The following MARS1 variants were observed in gnomAD, a reference collection of about 807,000 sequenced individuals.
MARS1 encodes methionine--tRNA ligase, cytoplasmic.
Under a neutral mutation model 119.5 loss-of-function variants are expected in MARS1, and 80 were observed. That is an observed-to-expected ratio of 0.67 (90% confidence interval 0.56 to 0.81). MARS1 has a LOEUF of 0.81. MARS1 is among the 30% of genes least tolerant of loss of function. MARS1 has a pLI of 0.00. For synonymous variants in MARS1, 418 were observed against 433.4 expected, an observed-to-expected ratio of 0.96 and a Z score of 0.44; for missense variants, 945 against 1,116.5, an observed-to-expected ratio of 0.85 and a Z score of 2.19.
chr12:57,496,274 C>T (rs1271030499), intron 7 of MARS1, among the ~76,000 whole-genome samples: 2 of 151,592 alleles, frequency 1.3e-5, no homozygotes, highest in Non-Finnish European at 1.5e-5. Context: ...AGTGATTCTC[C>T]TGTCTCAGCC....
At chr12:57,504,563 T>A (rs2140024328) in intron 11 of MARS1, among the ~76,000 whole-genome samples, 1 of 152,278 alleles carries the variant, frequency 6.6e-6, no homozygotes, top group Non-Finnish European at 1.5e-5. Flanking sequence ...TCTCTCTTTT[T>A]TTTTAAGGGA....
At chr12:57,489,219 T>C (rs370571451) in intron 2 of MARS1, 48 bp from the exon 3 acceptor site, 4 of 1,605,788 alleles carry the variant, frequency 2.5e-6, no homozygotes, top group Non-Finnish European at 3.4e-6. Context: ...AGAAATGGGC[T>C]AAATGGGCCC....
At chr12:57,513,878 C>T (rs1385915222) in intron 15 of MARS1, among the ~76,000 whole-genome samples, 8 of 150,452 alleles carry the variant, frequency 5.3e-5, no homozygotes, top group Non-Finnish European at 7.4e-5. Flanking sequence ...GCCTGGCCAA[C>T]CTGGTGAAAC....
chr12:57,503,028 A>AAACAAC (rs199629182), intron 10 of MARS1, among the ~76,000 whole-genome samples: 13 of 151,832 alleles, frequency 8.6e-5, no homozygotes, highest in African/African-American at 1.7e-4. Flanking sequence ...TTCGTCTCAA[A>AAACAAC]AACAACAACA....
intron 7 of MARS1, among the ~76,000 whole-genome samples, chr12:57,491,732 C>T (rs1324904501): frequency 1.3e-5 from 2 of 152,214 alleles, no homozygotes; most frequent in East Asian, 1.9e-4. Context: ...CATATTTTGT[C>T]ACTCTCCTGC....
Position 57,515,217 on chromosome 12 carries a change from C to T in MARS1, c.2272C>T (p.Pro758Ser), listed in dbSNP as rs1877734636. The change falls in exon 18 of 21, where the codon CCT becomes TCT. Residue 758 changes from proline to serine, a missense_variant. Physicochemically the swap from Pro to Ser is moderately conservative, Grantham distance 74. Transcript: ENST00000262027. Reference protein sequence around the residue: ...IAALLSVMLQPYMPTVSATIQ... With the variant: ...IAALLSVMLQSYMPTVSATIQ... ...TGCCTTGCTCTCTGTCATGCTTCAGCCTTACATGCCCACGGTTAGTGCCAC... is the reference window on the plus strand; with the variant it reads ...TGCCTTGCTCTCTGTCATGCTTCAGTCTTACATGCCCACGGTTAGTGCCAC... 1.2e-6 allele frequency: 2 copies of T among 1,614,090 alleles called. No homozygotes were observed. Among genetic ancestry groups the T allele is most frequent in the African/African-American group, 2.7e-5 (2 of 74,926 alleles).
chr12:57,495,775 G>A (rs1226489949), intron 7 of MARS1, among the ~76,000 whole-genome samples: 3 of 152,230 alleles, frequency 2.0e-5, no homozygotes, highest in Non-Finnish European at 4.4e-5. Context: ...CAGGCGGGCA[G>A]ATCACTCGCG....
In MARS1 at chr12:57,497,774, G is replaced by A. The variant is rs187383275; in HGVS notation, c.771-383G>A. On this transcript the variant is annotated intron_variant, in intron 7 of 20. Transcript: ENST00000262027. Reference sequence around the variant, plus strand: ...AACATAGCACCTGGAAAGAAGGGGAGAAGCCAGCGCTGGGAAAGTGTTCTT... The same window carrying A: ...AACATAGCACCTGGAAAGAAGGGGAAAAGCCAGCGCTGGGAAAGTGTTCTT... Among the ~76,000 whole-genome samples, 9 of 152,272 alleles carry A rather than the reference G, an allele frequency of 5.9e-5. No individual in the cohort carries two copies. The East Asian group carries it at 1.7e-3, about 29-fold the overall frequency.
intron 18 of MARS1, among the ~76,000 whole-genome samples, 160 bp from the exon 19 acceptor site, chr12:57,515,760 A>C (rs1671464027): frequency 6.6e-6 from 1 of 152,242 alleles, no homozygotes; most frequent in South Asian, 2.1e-4. Context: ...TTTCACAGGG[A>C]AAGCTACAGC....
At chr12:57,503,294 C>T (rs1260443923) in intron 10 of MARS1, among the ~76,000 whole-genome samples, 1 of 147,350 alleles carries the variant, frequency 6.8e-6, no homozygotes, top group African/African-American at 2.5e-5. Flanking sequence ...AGTGCAATGG[C>T]GCGATCTCAG....
chr12:57,511,706 G>A lies in MARS1; in HGVS notation c.1377G>A (p.Lys459=), dbSNP rs1413478936. The part of the protein sequence containing the change: ...HLFLDLPKLE[K]RLEEWLGRTL... ...TTTCTCCGTTATCTCAGCTGGAGAA[G>A]CGACTGGAGGAGTGGTTGGGGAGGA... Residue 459 remains lysine, a synonymous_variant, in exon 12 of 21, where the codon AAG becomes AAA. Transcript: ENST00000262027. The A allele has an allele frequency of 1.2e-6, 2 of 1,614,180 alleles. No individual in the cohort carries two copies. The highest frequency in any genetic ancestry group is 2.7e-5 in the African/African-American group (2 of 75,054).
At chr12:57,499,915 C>A (rs964801797) in intron 9 of MARS1, among the ~76,000 whole-genome samples, 25 of 152,030 alleles carry the variant, frequency 1.6e-4, no homozygotes, top group Non-Finnish European at 2.9e-5. Flanking sequence ...AACAAAAAAA[C>A]CCCCAAAACT....
intron 7 of MARS1, among the ~76,000 whole-genome samples, chr12:57,493,488 TAATATATTATAA>T (rs1251107430): frequency 9.5e-5 from 1 of 10,580 alleles, no homozygotes; most frequent in Non-Finnish European, 1.7e-4. Flanking sequence ...ATATAATATA[TAATATATTATAA>T]TATATAATAT....
chr12:57,494,328 CTTT>C (rs71448526), intron 7 of MARS1, among the ~76,000 whole-genome samples: 3 of 121,224 alleles, frequency 2.5e-5, no homozygotes, highest in Non-Finnish European at 3.4e-5. Context: ...TCTTTTTTTT[CTTT>C]TTTTTTTTTT....
In MARS1 at chr12:57,512,856, A is replaced by G. The variant is rs777332933; in HGVS notation, c.1859A>G (p.Tyr620Cys). ...TGIPADIWRF[Y>C]LLYIRPEGQD... ...ATCCCTGCTGACATCTGGCGCTTCT[A>G]TCTGCTGTACATTCGGCCTGAGGGC... The change falls in exon 15 of 21, where the codon TAT (tyrosine) becomes TGT (cysteine). Residue 620 changes from tyrosine to cysteine, a missense_variant. Tyr to Cys is a radical substitution (Grantham distance 194). Coordinates refer to ENST00000262027, the MANE Select transcript of MARS1 (RefSeq NM_004990.4). The G allele has an allele frequency of 1.9e-6, 3 of 1,614,224 alleles. No homozygotes were observed. Among genetic ancestry groups the G allele is most frequent in the Non-Finnish European group, 2.5e-6 (3 of 1,180,038 alleles).
At chr12:57,496,777 C>CAAA (rs780162798) in intron 7 of MARS1, among the ~76,000 whole-genome samples, 1 of 78,802 alleles carries the variant, frequency 1.3e-5, no homozygotes. Context: ...ACCCTGTCTC[C>CAAA]AAAAAAAAAA....
At chr12:57,499,284 CAAA>C (rs35924774) in intron 9 of MARS1, among the ~76,000 whole-genome samples, 3 of 37,898 alleles carry the variant, frequency 7.9e-5, no homozygotes, top group Admixed American at 3.1e-4. Context: ...AACTCTGTCT[CAAA>C]AAAAAAAAAA....
intron 5 of MARS1, 88 bp downstream of exon 5, chr12:57,490,059 G>A: frequency 6.9e-7 from 1 of 1,451,290 alleles, no homozygotes; most frequent in Admixed American, 1.7e-5. Flanking sequence ...TCCCTTCAAG[G>A]TACAGCTTGA....
In MARS1 at chr12:57,490,398, C is replaced by T. The variant is rs746539003; in HGVS notation, c.663+19C>T. On this transcript the variant is annotated intron_variant, in intron 6 of 20. Coordinates refer to ENST00000262027, the MANE Select transcript of MARS1 (RefSeq NM_004990.4). ...GCCTGAGGTTTGGAATAGGGCAGAG[C>T]CTTGGGGCCTGAGGTGGGAGGTGGC... 4 of 1,611,786 alleles carry T rather than the reference C, an allele frequency of 2.5e-6. No homozygotes were observed. The highest frequency in any genetic ancestry group is 2.2e-5 in the South Asian group (2 of 90,944).
Sources: allele counts gnomAD v4.1 joint callset (sites outside exome capture counted in the v4.1 genomes callset), GRCh38; gene constraint gnomAD v4.1.1; transcripts MANE v1.5; gene names NCBI Gene and HGNC (gene_info 2026-07-23, HGNC 2026-07-21).